The following RYR2 variants were observed in gnomAD, a reference collection of about 807,000 sequenced individuals.
RYR2 encodes cardiac muscle ryanodine receptor-calcium release channel.
Under a neutral mutation model 601.1 loss-of-function variants are expected in RYR2, and 227 were observed. That is an observed-to-expected ratio of 0.38 (90% CI 0.34 to 0.42). The LOEUF (loss-of-function observed/expected upper bound fraction) is 0.42. RYR2 is among the 10% of genes least tolerant of loss of function. The probability of loss-of-function intolerance (pLI) is 1.00; values close to 1 mark genes in which losing one functional copy is unlikely to be tolerated. For synonymous variants in RYR2, 2,223 were observed against 2,175.1 expected (o/e 1.02, Z -0.61); for missense variants, 4,646 against 6,156.5 (o/e 0.75, Z 8.21).
At chr1:237,769,853 T>G (rs1234191146) in intron 84 of RYR2, among the ~76,000 whole-genome samples, 1 of 152,180 alleles carries the variant, frequency 6.6e-6, no homozygotes, top group African/African-American at 2.4e-5. Flanking sequence ...GAAGTGTTTT[T>G]TTTCCCCCCA....
At chr1:237,821,669 A>G (rs542323375) in intron 101 of RYR2, among the ~76,000 whole-genome samples, 3 of 152,206 alleles carry the variant, frequency 2.0e-5, no homozygotes, top group East Asian at 3.9e-4. Context: ...TGGACGGAAA[A>G]TGAGTTTGAC....
intron 79 of RYR2, 116 bp from the exon 80 acceptor site, chr1:237,742,180 C>A: frequency 1.4e-6 from 1 of 698,276 alleles, no homozygotes; most frequent in Non-Finnish European, 2.4e-6. Context: ...TGTGTTTAAA[C>A]AAGGTTGATG....
intron 34 of RYR2, among the ~76,000 whole-genome samples, chr1:237,599,159 A>G (rs1242718093): frequency 3.3e-5 from 5 of 152,190 alleles, no homozygotes; most frequent in African/African-American, 4.8e-5. Flanking sequence ...ATCAAAGAAA[A>G]GCCCAGGACT....
intron 38 of RYR2, among the ~76,000 whole-genome samples, chr1:237,623,395 T>TCTTTC (rs1679297351): frequency 1.5e-4 from 2 of 13,362 alleles, no homozygotes; most frequent in Non-Finnish European, 2.6e-4. Flanking sequence ...TTTTTTTTTT[T>TCTTTC]TTTTTTTTTT....
At chr1:237,258,016 A>G (rs945159669) in intron 1 of RYR2, among the ~76,000 whole-genome samples, 1 of 151,674 alleles carries the variant, frequency 6.6e-6, no homozygotes, top group African/African-American at 2.4e-5. Flanking sequence ...ATACAAAAAA[A>G]GATTAGCCAG....
chr1:237,358,046 T>G (rs185651114), intron 4 of RYR2, among the ~76,000 whole-genome samples: 1 of 152,154 alleles, frequency 6.6e-6, no homozygotes, highest in Non-Finnish European at 1.5e-5. Context: ...CTGTTACAGG[T>G]AGACTTTGAA....
At chr1:237,828,646 A>C (rs1303237140) in intron 102 of RYR2, among the ~76,000 whole-genome samples, 1 of 152,242 alleles carries the variant, frequency 6.6e-6, no homozygotes, top group Non-Finnish European at 1.5e-5. Context: ...CGCCACATGC[A>C]TGCAAACAGC....
intron 1 of RYR2, among the ~76,000 whole-genome samples, chr1:237,064,332 A>G (rs565348278): frequency 6.6e-6 from 1 of 152,196 alleles, no homozygotes; most frequent in South Asian, 2.1e-4. Context: ...TTGGTTTTAC[A>G]TTTGGTTCTT....
At chr1:237,431,255 T>A (rs1014912645) in intron 12 of RYR2, among the ~76,000 whole-genome samples, 1 of 152,198 alleles carries the variant, frequency 6.6e-6, no homozygotes, top group African/African-American at 2.4e-5. Flanking sequence ...TCCCATGAAC[T>A]AGAGACACTA....
intron 1 of RYR2, among the ~76,000 whole-genome samples, chr1:237,235,307 G>A (rs1343874089): frequency 6.6e-6 from 1 of 152,190 alleles, no homozygotes; most frequent in Non-Finnish European, 1.5e-5. Flanking sequence ...CTGCACAGCT[G>A]TTACTGAGTT....
intron 1 of RYR2, among the ~76,000 whole-genome samples, chr1:237,222,938 G>A (rs1683977493): frequency 6.6e-6 from 1 of 152,134 alleles, no homozygotes; most frequent in African/African-American, 2.4e-5. Flanking sequence ...GGTGGCACAT[G>A]CTTGTAATCC....
At chr1:237,058,512 T>G (rs78733531) in intron 1 of RYR2, among the ~76,000 whole-genome samples, 3,947 of 152,346 alleles carry the variant, frequency 0.026, 160 homozygotes, top group African/African-American at 0.088. Context: ...TACTTCACAC[T>G]GTTGATTTAA....
chr1:237,642,283 C>T (rs1681639824), intron 47 of RYR2, among the ~76,000 whole-genome samples: 1 of 152,084 alleles, frequency 6.6e-6, no homozygotes, highest in Admixed American at 6.6e-5. Flanking sequence ...AGAGGAGTCA[C>T]AGGATAGAGA....
At chr1:237,746,921 T>G (rs1393615355) in intron 80 of RYR2, among the ~76,000 whole-genome samples, 1 of 152,126 alleles carries the variant, frequency 6.6e-6, no homozygotes, top group Non-Finnish European at 1.5e-5. Context: ...TGGGTTTTTC[T>G]CACCTAGATC....
intron 34 of RYR2, among the ~76,000 whole-genome samples, chr1:237,597,692 A>G (rs902950354): frequency 8.5e-5 from 13 of 152,278 alleles, no homozygotes; most frequent in African/African-American, 3.1e-4. Flanking sequence ...TGCAGCAGTC[A>G]CACTAATGAG....
intron 1 of RYR2, among the ~76,000 whole-genome samples, chr1:237,225,208 A>C (rs554452918): frequency 6.6e-6 from 1 of 152,212 alleles, no homozygotes; most frequent in Non-Finnish European, 1.5e-5. Context: ...GGCAGATATA[A>C]GATTAAAATA....
intron 10 of RYR2, among the ~76,000 whole-genome samples, chr1:237,401,575 C>G (rs1251431360): frequency 6.6e-6 from 1 of 152,124 alleles, no homozygotes; most frequent in Admixed American, 6.5e-5. Flanking sequence ...CAGAGCTTCT[C>G]GTTCCCTGTG....
rs1184103452 is a variant in RYR2 at position 237,580,615 on chromosome 1, A to G, written c.3599-9178A>G. ...CTTTGGTGGACATGTGTCTGCTGGCAGATACAGCGTTCTGAATACAAACCG... is the reference window on the plus strand; with the variant it reads ...CTTTGGTGGACATGTGTCTGCTGGCGGATACAGCGTTCTGAATACAAACCG... On this transcript the variant is annotated intron_variant, in intron 29 of 104. Transcript: ENST00000366574. 2.0e-5 allele frequency among the ~76,000 whole-genome samples: 3 copies of G among 152,278 alleles called. No individual in the cohort carries two copies. The East Asian group carries it at 5.8e-4, about 29-fold the overall frequency.
chr1:237,493,601 C>G (rs7554664), intron 19 of RYR2, among the ~76,000 whole-genome samples: 1 of 151,978 alleles, frequency 6.6e-6, no homozygotes, highest in Non-Finnish European at 1.5e-5. Flanking sequence ...TACAGGTGCC[C>G]GCCACCACGC....
Sources: gnomAD v4.1 joint callset for allele counts (sites outside exome capture counted in the v4.1 genomes callset) on GRCh38, gnomAD v4.1.1 for gene constraint, MANE v1.5 for transcripts, NCBI Gene and HGNC (gene_info 2026-07-23, HGNC 2026-07-21) for gene names.